RBFOX1: variants seen among roughly 807,000 people sequenced by gnomAD.
The protein encoded by RBFOX1 is RNA binding protein fox-1 homolog 1.
In RBFOX1, 8 loss-of-function variants were observed where a neutral mutation model predicts 57.7. That is an observed-to-expected ratio of 0.14 (90% CI 0.08 to 0.25). The LOEUF is 0.25. Among genes scored for constraint, RBFOX1 ranks in the 10% least tolerant of loss-of-function variants. RBFOX1 has a pLI of 1.00. For synonymous variants in RBFOX1, 326 were observed against 222.4 expected (o/e 1.47, Z -4.15); for missense variants, 611 against 548.5 (o/e 1.11, Z -1.14).
chr16:7,649,304 A>G (rs1348936535), intron 11 of RBFOX1, among the ~76,000 whole-genome samples: 2 of 152,230 alleles, frequency 1.3e-5, no homozygotes, highest in African/African-American at 4.8e-5. Flanking sequence ...ATTTTGCAAG[A>G]ATCAATATTA....
Position 6,668,552 on chromosome 16 carries a change from T to A in RBFOX1, c.-16+13902T>A, listed in dbSNP as rs575242295. 2.5e-3 allele frequency among the ~76,000 whole-genome samples: 376 copies of A among 152,354 alleles called. 1 individual carries two copies. The highest frequency in any genetic ancestry group is 4.0e-3 in the Non-Finnish European group (274 of 68,034). ...GATAATTTAGCAAATAAGAGCTTTA[T>A]ATCAGGCATGGGTAGCTAGCCTTTC... On this transcript the variant is annotated intron_variant, in intron 3 of 15. Coordinates refer to ENST00000550418, the MANE Select transcript of RBFOX1 (RefSeq NM_018723.4).
chr16:6,623,172 G>T (rs2098257847), intron 2 of RBFOX1, among the ~76,000 whole-genome samples: 1 of 152,148 alleles, frequency 6.6e-6, no homozygotes, highest in Admixed American at 6.5e-5. Flanking sequence ...TTACATTGTA[G>T]TAAGGCAATA....
chr16:6,964,599 A>C (rs1311131120), intron 3 of RBFOX1, among the ~76,000 whole-genome samples: 2 of 152,180 alleles, frequency 1.3e-5, no homozygotes, highest in African/African-American at 4.8e-5. Flanking sequence ...ATTTTCTGTG[A>C]ACCTAATACT....
chr16:6,242,848 C>G lies in RBFOX1; in HGVS notation c.-126-74147C>G, dbSNP rs956649893. On this transcript the variant is annotated intron_variant, in intron 1 of 15. Transcript: ENST00000550418. ...AATTCTGACCCTATGCCTTTAATCA[C>G]TACACTGAAGGTTGAGTTTTTAACC... Among the ~76,000 whole-genome samples, 54 of 152,082 alleles carry G rather than the reference C, an allele frequency of 3.6e-4. 2 individuals carry two copies. The highest frequency in any genetic ancestry group is 1.5e-5 in the Non-Finnish European group (1 of 68,016).
chr16:6,708,624 C>T (rs1053602900), intron 3 of RBFOX1, among the ~76,000 whole-genome samples: 4 of 152,172 alleles, frequency 2.6e-5, no homozygotes, highest in African/African-American at 7.2e-5. Context: ...AACAGCTGAG[C>T]GATTTGCTAT....
At chr16:5,901,903 C>T (rs893931912) in intron 4 of RBFOX1, among the ~76,000 whole-genome samples, 2 of 152,298 alleles carry the variant, frequency 1.3e-5, no homozygotes, top group Non-Finnish European at 1.5e-5. Flanking sequence ...GATCTTCAGA[C>T]TCCTTTTGGA....
At chr16:6,122,890 T>C (rs1461251758) in intron 1 of RBFOX1, among the ~76,000 whole-genome samples, 1 of 150,670 alleles carries the variant, frequency 6.6e-6, no homozygotes, top group Non-Finnish European at 1.5e-5. Context: ...TCAGGATAAG[T>C]AGAAAAGATA....
intron 3 of RBFOX1, among the ~76,000 whole-genome samples, chr16:7,000,258 C>G (rs868766987): frequency 6.6e-6 from 1 of 152,042 alleles, no homozygotes; most frequent in African/African-American, 2.4e-5. Flanking sequence ...TTGTTCAAGT[C>G]TACCTGATAA....
intron 3 of RBFOX1, among the ~76,000 whole-genome samples, chr16:7,016,034 C>G (rs2093893362): frequency 6.6e-6 from 1 of 152,134 alleles, no homozygotes; most frequent in Admixed American, 6.6e-5. Flanking sequence ...AAAGACTACA[C>G]TTCCTAGTCA....
intron 4 of RBFOX1, among the ~76,000 whole-genome samples, chr16:7,409,587 C>A (rs1377828892): frequency 1.3e-5 from 2 of 152,094 alleles, no homozygotes; most frequent in South Asian, 4.1e-4. Flanking sequence ...TGTATGTGTG[C>A]GTAATACATA....
intron 1 of RBFOX1, chr16:6,092,327 A>G (rs1313931569): frequency 6.6e-6 from 1 of 152,206 alleles, no homozygotes; most frequent in African/African-American, 2.4e-5. Flanking sequence ...AAACTGAGAG[A>G]CAGCAACCAT....
At chr16:5,676,708 A>G (rs1433452196) in intron 3 of RBFOX1, among the ~76,000 whole-genome samples, 1 of 152,176 alleles carries the variant, frequency 6.6e-6, no homozygotes, top group Non-Finnish European at 1.5e-5. Context: ...TAAAAATACA[A>G]AAAACTAGCC....
intron 1 of RBFOX1, among the ~76,000 whole-genome samples, chr16:6,226,393 A>AC (rs2097418656): frequency 6.6e-6 from 1 of 151,052 alleles, no homozygotes; most frequent in African/African-American, 2.4e-5. Flanking sequence ...AAAAAAAAAC[A>AC]AAAAAATATT....
chr16:6,354,600 CT>C (rs1829622156), intron 2 of RBFOX1, among the ~76,000 whole-genome samples: 2 of 152,310 alleles, frequency 1.3e-5, no homozygotes, highest in Admixed American at 1.3e-4. Flanking sequence ...CATTCCCCTT[CT>C]GTTTCCTCTT....
rs548837851 is a variant in RBFOX1 at position 7,524,939 on chromosome 16, G to C, written c.270+6550G>C. The stretch of plus-strand genomic sequence containing the variant: ...TTATTATCATCATCAAAGCAATTCA[G>C]GCTTGGGGTTTAAAAAGCCAGACAT... On this transcript the variant is annotated intron_variant, in intron 5 of 15. Coordinates refer to ENST00000550418, the MANE Select transcript of RBFOX1 (RefSeq NM_018723.4). Among the ~76,000 whole-genome samples, 46 of 152,226 alleles carry C rather than the reference G, an allele frequency of 3.0e-4. 1 individual carries two copies. Among genetic ancestry groups the C allele is most frequent in the African/African-American group, 1.1e-3 (46 of 41,542 alleles).
intron 4 of RBFOX1, among the ~76,000 whole-genome samples, chr16:5,926,842 C>G (rs893472547): frequency 2.6e-5 from 4 of 152,178 alleles, no homozygotes; most frequent in African/African-American, 7.2e-5. Context: ...CTCCTACATT[C>G]TCAGCAACCT....
At chr16:6,445,413 C>G (rs1478479914) in intron 2 of RBFOX1, among the ~76,000 whole-genome samples, 1 of 151,906 alleles carries the variant, frequency 6.6e-6, no homozygotes, top group Admixed American at 6.6e-5. Context: ...GAAAAACTCT[C>G]TCAGTTGAGG....
intron 5 of RBFOX1, among the ~76,000 whole-genome samples, chr16:7,575,060 T>TGGG (rs2093194339): frequency 1.2e-4 from 18 of 145,064 alleles, no homozygotes; most frequent in East Asian, 2.1e-4. Context: ...TGGGGGGGGC[T>TGGG]GTGGGGGAGG....
intron 3 of RBFOX1, among the ~76,000 whole-genome samples, chr16:6,972,238 C>G (rs2085733043): frequency 1.3e-5 from 2 of 152,108 alleles, no homozygotes; most frequent in African/African-American, 2.4e-5. Flanking sequence ...TCTATTAACT[C>G]TGTAACTCCC....
Sources: allele counts gnomAD v4.1 joint callset (sites outside exome capture counted in the v4.1 genomes callset), GRCh38; gene constraint gnomAD v4.1.1; transcripts MANE v1.5; gene names NCBI Gene and HGNC (gene_info 2026-07-23, HGNC 2026-07-21).